SMARCA4: variants seen among roughly 807,000 people sequenced by gnomAD.
SMARCA4 encodes the protein SWI/SNF related BAF chromatin remodeling complex subunit ATPase 4, also known as SWI/SNF-related matrix-associated actin-dependent regulator of chromatin subfamily A member 4.
In SMARCA4, 31 loss-of-function variants were observed where a neutral mutation model predicts 193.9. The observed-to-expected ratio is 0.16, with a 90% CI of 0.12 to 0.22. SMARCA4 has a LOEUF of 0.22. Ranked by LOEUF, SMARCA4 falls within the 10% of genes least tolerant of loss-of-function variation. SMARCA4 has a pLI of 1.00. For synonymous variants in SMARCA4, 942 were observed against 933.1 expected (o/e 1.01, Z -0.17); for missense variants, 1,148 against 2,296.0 (o/e 0.50, Z 10.22).
chr19:11,017,497 C>T (rs929420743), intron 16 of SMARCA4, among the ~76,000 whole-genome samples: 10 of 152,270 alleles, frequency 6.6e-5, no homozygotes, highest in Admixed American at 3.3e-4. Context: ...GAAATGTTTA[C>T]GGCGTATGGG....
chr19:10,989,786 A>G lies in SMARCA4; in HGVS notation c.1245+343A>G, dbSNP rs141824811. On this transcript the variant is annotated intron_variant, in intron 7 of 34. Transcript: ENST00000344626. ...GCATAAACTCTGCTCACTGCAACCA[A>G]CGCCTCCTGGGATCAAGCAATTCTT... is the stretch of plus-strand genomic sequence containing the variant. 2.3e-3 allele frequency among the ~76,000 whole-genome samples: 346 copies of G among 150,508 alleles called. 1 individual carries two copies. The highest frequency in any genetic ancestry group is 3.2e-3 in the Non-Finnish European group (214 of 67,588).
intron 1 of SMARCA4, chr19:10,980,969 C>G (rs947501212): frequency 1.3e-5 from 2 of 152,352 alleles, no homozygotes; most frequent in African/African-American, 4.8e-5. Flanking sequence ...CCAGGCTGAT[C>G]TTGAATTTCT....
intron 1 of SMARCA4, among the ~76,000 whole-genome samples, chr19:10,978,887 T>G (rs1248756958): frequency 6.6e-6 from 1 of 152,000 alleles, no homozygotes; most frequent in Non-Finnish European, 1.5e-5. Flanking sequence ...AGGCGGAGGT[T>G]GCAGTGAGCC....
chr19:10,996,267 CT>C lies in SMARCA4; in HGVS notation c.1649del (p.Leu550ArgfsTer63). ...CATCGACCAGAAGAAGGACAAGCGC[CT>C]GGCCTACCTCTTGCAGCAGACAGAC... ...KLIDQKKDKR[L>X]AYLLQQTDEY... On this transcript the variant is annotated frameshift_variant, in exon 10 of 35. Coordinates refer to ENST00000344626, the MANE Select transcript of SMARCA4 (RefSeq NM_003072.5). LOFTEE classifies it high-confidence loss of function. The C allele has an allele frequency of 6.2e-7, 1 of 1,614,266 alleles. No individual in the cohort carries two copies. The highest frequency in any genetic ancestry group is 8.5e-7 in the Non-Finnish European group (1 of 1,180,046).
intron 16 of SMARCA4, among the ~76,000 whole-genome samples, chr19:11,015,620 C>A (rs1375767971): frequency 3.9e-5 from 6 of 152,170 alleles, no homozygotes; most frequent in Non-Finnish European, 7.3e-5. Flanking sequence ...TTGTGAATAT[C>A]TCATTTCTCT....
At chr19:11,053,451 C>CAAAAAAA (rs34525605) in intron 30 of SMARCA4, among the ~76,000 whole-genome samples, 1 of 64,820 alleles carries the variant, frequency 1.5e-5, no homozygotes, top group Non-Finnish European at 3.1e-5. Flanking sequence ...GACTCCGTCT[C>CAAAAAAA]AAAAAAAAAA....
At chr19:11,005,177 G>A (rs933723093) in intron 13 of SMARCA4, among the ~76,000 whole-genome samples, 3 of 152,126 alleles carry the variant, frequency 2.0e-5, no homozygotes, top group Non-Finnish European at 2.9e-5. Flanking sequence ...TAGTTGAAGC[G>A]TACTTTAGCT....
At position 11,059,716 on chromosome 19, in the gene SMARCA4, G is replaced by A. The variant is rs559949742; in HGVS notation, c.4636-37G>A. On this transcript the variant is annotated intron_variant, in intron 32 of 34. Coordinates refer to ENST00000344626, the MANE Select transcript of SMARCA4 (RefSeq NM_003072.5). ...GGGCCGGGCAGGCAGCCCTCCAGTC[G>A]GGCCCATCCACTCAAGCCCCTGGTG... 16 of 1,551,806 alleles carry A rather than the reference G, an allele frequency of 1.0e-5. No homozygotes were observed. In the Admixed American group the frequency reaches 1.6e-4, roughly 15 times the overall value.
intron 1 of SMARCA4, among the ~76,000 whole-genome samples, chr19:10,964,741 T>C (rs936214368): frequency 6.6e-6 from 1 of 151,994 alleles, no homozygotes; most frequent in African/African-American, 2.4e-5. Flanking sequence ...CCTCAGCCTC[T>C]GGAGTGGATG....
chr19:10,962,515 G>A (rs980573655), intron 1 of SMARCA4, among the ~76,000 whole-genome samples: 1 of 152,078 alleles, frequency 6.6e-6, no homozygotes, highest in Non-Finnish European at 1.5e-5. Flanking sequence ...GCTTGGAAGA[G>A]GGGGCCTCAA....
chr19:11,061,204 A>ATATATATATATATATAT (rs1471127800), intron 34 of SMARCA4, among the ~76,000 whole-genome samples: 4 of 45,228 alleles, frequency 8.8e-5, no homozygotes, highest in Non-Finnish European at 1.5e-4. Context: ...AAAAAAAAAA[A>ATATATATATATATATAT]ATATATATAT....
chr19:11,048,420 G>T (rs12052201), intron 30 of SMARCA4, among the ~76,000 whole-genome samples: 26,821 of 152,110 alleles, frequency 0.18, 2,967 homozygotes, highest in Non-Finnish European at 0.25. Context: ...TTTTTTAGTT[G>T]GCTCTCCAGA....
chr19:11,007,790 G>T, intron 13 of SMARCA4, 112 bp from the exon 14 acceptor site: 1 of 999,666 alleles, frequency 1.0e-6, no homozygotes, highest in East Asian at 2.4e-5. Context: ...ATAGGTAGAG[G>T]GGGTGAGGGC....
chr19:11,053,221 T>C (rs1529728), intron 30 of SMARCA4, among the ~76,000 whole-genome samples: 88,743 of 151,818 alleles, frequency 0.58, 26,402 homozygotes, highest in East Asian at 0.77. Flanking sequence ...CCTAGGCTCA[T>C]GCCTATAATC....
rs1253835934 is a variant in SMARCA4, at chr19:11,030,422, C to T, written c.3383-308C>T. On this transcript the variant is annotated intron_variant, in intron 24 of 34. Transcript: ENST00000344626. The surrounding 1 kb of genome is among the most constrained non-coding windows in gnomAD (Gnocchi z 5.5). ...GCTGTGGTGGTGGTGGCTGTGCTGA[C>T]GCTGGACGCTGTGGCCTAGCTGTGG... is the stretch of plus-strand genomic sequence containing the variant. Among the ~76,000 whole-genome samples the T allele has an allele frequency of 1.3e-5, 2 of 152,314 alleles. No homozygotes were observed. Among genetic ancestry groups the T allele is most frequent in the Non-Finnish European group, 2.9e-5 (2 of 68,040 alleles).
At chr19:11,025,874 G>A (rs2090219270) in intron 22 of SMARCA4, among the ~76,000 whole-genome samples, 1 of 152,188 alleles carries the variant, frequency 6.6e-6, no homozygotes, top group Non-Finnish European at 1.5e-5. Context: ...GAAGTGTGGG[G>A]GAGTCAGAAC....
Position 11,021,867 on chromosome 19 carries a change from A to C in SMARCA4, c.2759A>C (p.Glu920Ala). 6.2e-7 allele frequency: 1 copy of C among 1,613,810 alleles called. No individual in the cohort carries two copies. The highest frequency in any genetic ancestry group is 8.5e-7 in the Non-Finnish European group (1 of 1,180,028). The change falls in exon 19 of 35, where the codon GAG becomes GCG. Residue 920 changes from glutamate (E) to alanine (A), a missense_variant. Around this residue, in one of 17 missense-constraint regions of SMARCA4, gnomAD observed 74 missense variants for 392.3 expected, o/e 0.19. Transcript: ENST00000344626. ...ACACCGCTGCAGAACAAGCTTCCCGAGCTCTGGGCGCTGCTCAACTTCCTG... is the reference window on the plus strand; with the variant it reads ...ACACCGCTGCAGAACAAGCTTCCCGCGCTCTGGGCGCTGCTCAACTTCCTG... Reference protein sequence around the residue: ...TGTPLQNKLPELWALLNFLLP... With the variant: ...TGTPLQNKLPALWALLNFLLP...
intron 1 of SMARCA4, among the ~76,000 whole-genome samples, chr19:10,966,964 A>G (rs1295645147): frequency 2.0e-5 from 3 of 152,088 alleles, no homozygotes; most frequent in Non-Finnish European, 1.5e-5. Flanking sequence ...ATGAGAGGGA[A>G]CAGGTCAGAA....
rs969927447 is a variant in SMARCA4 at position 10,987,334 on chromosome 19, G to A, written c.859+331G>A. Among the ~76,000 whole-genome samples the A allele has an allele frequency of 3.9e-5, 6 of 152,212 alleles. No individual in the cohort carries two copies. Among genetic ancestry groups the A allele is most frequent in the Admixed American group, 3.9e-4 (6 of 15,290 alleles). On this transcript the variant is annotated intron_variant, in intron 5 of 34. Transcript: ENST00000344626. The surrounding 1 kb of genome is among the most constrained non-coding windows in gnomAD (Gnocchi z 5.3). ...ATCCTCTTGGAGCCTGAGGTTTAGCGATGGGCATTGAGGGGCAAATTGCTT... is the reference window on the plus strand; with the variant it reads ...ATCCTCTTGGAGCCTGAGGTTTAGCAATGGGCATTGAGGGGCAAATTGCTT...
Sources: gnomAD v4.1 joint callset for allele counts (sites outside exome capture counted in the v4.1 genomes callset) on GRCh38, gnomAD v4.1.1 for gene constraint, gnomAD v4.1.1 regional missense constraint, Gnocchi (gnomAD v3.1) non-coding constraint, MANE v1.5 for transcripts, NCBI Gene and HGNC (gene_info 2026-07-23, HGNC 2026-07-21) for gene names.